The following ARHGAP26 variants were observed in gnomAD, a reference collection of about 807,000 sequenced individuals.
The protein encoded by ARHGAP26 is rho GTPase-activating protein 26.
In ARHGAP26, 38 loss-of-function variants were observed where a neutral mutation model predicts 104.8. The ratio of observed to expected loss-of-function variants is 0.36; its 90% confidence interval spans 0.28 to 0.48. ARHGAP26 has a LOEUF of 0.48. ARHGAP26 is among the 20% of genes least tolerant of loss of function. ARHGAP26 has a pLI of 0.99. For missense variants in ARHGAP26, 704 were observed against 947.9 expected (o/e 0.74, Z 3.38); for synonymous variants, 341 against 340.0 (o/e 1.00, Z -0.03).
chr5:143,000,008 G>T (rs1467800854), intron 11 of ARHGAP26, among the ~76,000 whole-genome samples: 1 of 152,124 alleles, frequency 6.6e-6, no homozygotes, highest in African/African-American at 2.4e-5. Context: ...ACATGAAAAA[G>T]TATACATCAT....
At chr5:143,175,774 C>G (rs1803390640) in intron 20 of ARHGAP26, among the ~76,000 whole-genome samples, 1 of 152,084 alleles carries the variant, frequency 6.6e-6, no homozygotes, top group Non-Finnish European at 1.5e-5. Context: ...TTGTTTTTAG[C>G]CAATTTTGAC....
At chr5:143,131,604 G>C (rs1797361157) in intron 18 of ARHGAP26, among the ~76,000 whole-genome samples, 1 of 152,236 alleles carries the variant, frequency 6.6e-6, no homozygotes, top group Non-Finnish European at 1.5e-5. Flanking sequence ...TGGGACACCA[G>C]CTTTTGTAGT....
chr5:143,227,524 G>C lies in ARHGAP26; in HGVS notation c.*5078G>C, dbSNP rs1562652411. The C allele has an allele frequency of 4.3e-6, 1 of 230,646 alleles. No individual in the cohort carries two copies. The highest frequency in any genetic ancestry group is 6.1e-5 in the East Asian group (1 of 16,330). The allele number at this position is 230,646 out of a possible 1,614,324, so 14.3% of individuals were successfully genotyped here. On this transcript the variant is annotated 3_prime_UTR_variant, in exon 23 of 23. Transcript: ENST00000645722. Reference sequence around the variant, plus strand: ...CTCTCTGTAATTGTAGCATCAAAATGACAACAGCAGCAGAGCAGCGAATCT... The same window carrying C: ...CTCTCTGTAATTGTAGCATCAAAATCACAACAGCAGCAGAGCAGCGAATCT...
At chr5:142,912,872 T>C (rs1201439011) in intron 9 of ARHGAP26, among the ~76,000 whole-genome samples, 1 of 152,164 alleles carries the variant, frequency 6.6e-6, no homozygotes, top group East Asian at 1.9e-4. Context: ...AGCTCAGAGT[T>C]AGGAGGAGAC....
chr5:142,947,139 T>TCTCA (rs1368312207), intron 11 of ARHGAP26: 1 of 114,404 alleles, frequency 8.7e-6, no homozygotes, highest in African/African-American at 3.3e-5. Context: ...AGAGATGGGG[T>TCTCA]GGAGGGAGAA....
At chr5:142,969,711 C>T (rs1771949497) in intron 11 of ARHGAP26, among the ~76,000 whole-genome samples, 1 of 152,170 alleles carries the variant, frequency 6.6e-6, no homozygotes, top group South Asian at 2.1e-4. Flanking sequence ...TTTAGAATGG[C>T]TCTGGGACTA....
chr5:143,177,974 CTG>C (rs1235230582), intron 20 of ARHGAP26, among the ~76,000 whole-genome samples: 1 of 129,634 alleles, frequency 7.7e-6, no homozygotes, highest in African/African-American at 2.9e-5. Flanking sequence ...CTGTTCAAGT[CTG>C]TGTGGCAGTC....
chr5:143,170,903 C>T (rs1274182851), intron 20 of ARHGAP26, among the ~76,000 whole-genome samples: 1 of 152,152 alleles, frequency 6.6e-6, no homozygotes, highest in Non-Finnish European at 1.5e-5. Context: ...CCTCCATTCT[C>T]TGGTATCGTT....
intron 1 of ARHGAP26, among the ~76,000 whole-genome samples, chr5:142,774,207 A>G (rs1438313686): frequency 1.3e-5 from 2 of 152,320 alleles, no homozygotes; most frequent in East Asian, 3.9e-4. Context: ...TGACATTTTG[A>G]ATATTACTCA....
chr5:143,186,982 AAGC>A (rs1392462396), intron 20 of ARHGAP26, among the ~76,000 whole-genome samples: 2 of 152,208 alleles, frequency 1.3e-5, no homozygotes, highest in Admixed American at 6.5e-5. Flanking sequence ...TTTAAAATAA[AAGC>A]AGCATTTTTT....
intron 1 of ARHGAP26, among the ~76,000 whole-genome samples, chr5:142,811,113 T>C (rs891787761): frequency 1.3e-5 from 2 of 152,210 alleles, no homozygotes; most frequent in South Asian, 4.1e-4. Context: ...GGCTACTCTG[T>C]GCCCTGCCAA....
At chr5:143,102,458 A>C (rs1461399242) in intron 17 of ARHGAP26, among the ~76,000 whole-genome samples, 1 of 152,206 alleles carries the variant, frequency 6.6e-6, no homozygotes. Context: ...TATCAGAGGC[A>C]ATCTTTTTCC....
chr5:142,986,537 T>C (rs1421086229), intron 11 of ARHGAP26, among the ~76,000 whole-genome samples: 1 of 152,234 alleles, frequency 6.6e-6, no homozygotes, highest in Non-Finnish European at 1.5e-5. Context: ...TTTTGGCTTT[T>C]GTTGCTATTG....
At chr5:142,999,416 A>G (rs1188006835) in intron 11 of ARHGAP26, among the ~76,000 whole-genome samples, 1 of 152,160 alleles carries the variant, frequency 6.6e-6, no homozygotes, top group Non-Finnish European at 1.5e-5. Context: ...ATATGAATCA[A>G]TTTTATAATA....
intron 12 of ARHGAP26, chr5:143,014,372 C>T (rs1279918337): frequency 1.8e-6 from 1 of 554,718 alleles, no homozygotes; most frequent in Admixed American, 3.2e-5. Flanking sequence ...ACAAAGCATT[C>T]TCGTGTACAT....
At chr5:143,118,555 G>C (rs1795761635) in intron 17 of ARHGAP26, among the ~76,000 whole-genome samples, 2 of 152,314 alleles carry the variant, frequency 1.3e-5, no homozygotes, top group African/African-American at 4.8e-5. Flanking sequence ...AGAATCACTT[G>C]AGACCAGGAG....
chr5:142,772,160 T>A lies in ARHGAP26; in HGVS notation c.154+1245T>A, dbSNP rs138395837. ...TTACAAAAGTCAGGTGCCTGAGATG[T>A]CATTTTGTCAGCTTGTTGCTTCTAA... On this transcript the variant is annotated intron_variant, in intron 1 of 22. Coordinates refer to ENST00000645722, the MANE Select transcript of ARHGAP26 (RefSeq NM_001135608.3). Among the ~76,000 whole-genome samples, 100 of 152,364 alleles carry A rather than the reference T, an allele frequency of 6.6e-4. No individual in the cohort carries two copies. The East Asian group carries it at 0.018, about 27-fold the overall frequency.
intron 4 of ARHGAP26, among the ~76,000 whole-genome samples, chr5:142,884,202 T>C (rs543588981): frequency 7.2e-5 from 11 of 152,242 alleles, no homozygotes; most frequent in East Asian, 1.9e-4. Flanking sequence ...GCAGACTGCC[T>C]GTGACAATCT....
chr5:143,081,945 G>T (rs925154686), intron 17 of ARHGAP26, among the ~76,000 whole-genome samples: 3 of 149,346 alleles, frequency 2.0e-5, no homozygotes, highest in Non-Finnish European at 2.9e-5. Flanking sequence ...GGGAGGTGGA[G>T]CTTGCAGTGA....
Sources: gnomAD v4.1 joint callset for allele counts (sites outside exome capture counted in the v4.1 genomes callset) on GRCh38, gnomAD v4.1.1 for gene constraint, MANE v1.5 for transcripts, NCBI Gene and HGNC (gene_info 2026-07-23, HGNC 2026-07-21) for gene names.